GPC5: variants seen among roughly 807,000 people sequenced by gnomAD.
GPC5 encodes the protein glypican-5.
GPC5 carries 47 observed loss-of-function variants against 53.9 expected under a neutral mutation model. The observed-to-expected ratio is 0.87, with a 90% confidence interval of 0.69 to 1.11. The LOEUF (loss-of-function observed/expected upper bound fraction) is 1.11, where lower values mean the gene tolerates loss of function less well. Ranked by LOEUF, GPC5 falls within the 50% of genes most tolerant of loss-of-function variation. The pLI is 0.00. For synonymous variants in GPC5, 286 were observed against 263.3 expected (o/e 1.09, Z -0.84); for missense variants, 748 against 713.1 (o/e 1.05, Z -0.56).
rs549780678 is a variant in GPC5 at position 92,051,557 on chromosome 13, C to T, written c.1402-93273C>T. ...GCATAGGCTGCTGGTCCAGAACCCACACCTTGAGCTGACCAGCTCTGTTTC... is the reference window on the plus strand; with the variant it reads ...GCATAGGCTGCTGGTCCAGAACCCATACCTTGAGCTGACCAGCTCTGTTTC... On this transcript the variant is annotated intron_variant, in intron 6 of 7. Transcript: ENST00000377067. Among the ~76,000 whole-genome samples the T allele has an allele frequency of 5.9e-5, 9 of 152,304 alleles. No individual in the cohort carries two copies. The South Asian group carries it at 6.2e-4, about 11-fold the overall frequency.
intron 2 of GPC5, among the ~76,000 whole-genome samples, chr13:91,637,607 G>A (rs1385099403): frequency 6.6e-6 from 1 of 152,140 alleles, no homozygotes; most frequent in East Asian, 1.9e-4. Context: ...GGACGAACAG[G>A]AGAAACGGCT....
chr13:91,571,934 C>T, intron 2 of GPC5, among the ~76,000 whole-genome samples: 1 of 125,236 alleles, frequency 8.0e-6, no homozygotes, highest in Non-Finnish European at 1.7e-5. Flanking sequence ...TATATATACA[C>T]ACATGTATAT....
At chr13:92,234,259 G>A (rs975798033) in intron 7 of GPC5, among the ~76,000 whole-genome samples, 3 of 152,276 alleles carry the variant, frequency 2.0e-5, no homozygotes, top group East Asian at 1.9e-4. Context: ...GGTTGAACTA[G>A]TTTACAGTCC....
chr13:91,490,381 A>G (rs1450086810), intron 2 of GPC5, among the ~76,000 whole-genome samples: 1 of 152,146 alleles, frequency 6.6e-6, no homozygotes, highest in Non-Finnish European at 1.5e-5. Context: ...TTTTTAGAGG[A>G]AAGGTAATGA....
At chr13:92,770,577 C>T (rs1875576650) in intron 7 of GPC5, among the ~76,000 whole-genome samples, 1 of 152,100 alleles carries the variant, frequency 6.6e-6, no homozygotes. Context: ...CTATGTTTTA[C>T]ATTTGCCCCA....
intron 1 of GPC5, among the ~76,000 whole-genome samples, chr13:91,406,599 A>G (rs570347608): frequency 1.2e-4 from 19 of 152,216 alleles, no homozygotes; most frequent in Non-Finnish European, 2.2e-4. Context: ...CTGGGACACT[A>G]AAAGACCCCA....
chr13:92,805,543 CCT>C (rs1465810248), intron 7 of GPC5, among the ~76,000 whole-genome samples: 1 of 152,046 alleles, frequency 6.6e-6, no homozygotes, highest in Non-Finnish European at 1.5e-5. Context: ...CTCAAGCAAT[CCT>C]TCTACTTCAG....
intron 7 of GPC5, among the ~76,000 whole-genome samples, chr13:92,793,715 C>T (rs1362092145): frequency 1.3e-5 from 2 of 151,972 alleles, no homozygotes; most frequent in Non-Finnish European, 2.9e-5. Flanking sequence ...ACCACCGATC[C>T]CACAGAAATA....
intron 7 of GPC5, among the ~76,000 whole-genome samples, chr13:92,772,589 CCT>C (rs1875652364): frequency 6.6e-6 from 1 of 152,190 alleles, no homozygotes; most frequent in African/African-American, 2.4e-5. Flanking sequence ...TATCATTCAC[CCT>C]GTTTTACTTT....
intron 7 of GPC5, among the ~76,000 whole-genome samples, chr13:92,747,887 A>G (rs1239139193): frequency 1.3e-5 from 2 of 152,182 alleles, no homozygotes; most frequent in Non-Finnish European, 2.9e-5. Flanking sequence ...TAGCTCAACC[A>G]AAATATATGC....
chr13:91,965,687 G>A (rs1389360612), intron 6 of GPC5, among the ~76,000 whole-genome samples: 1 of 152,136 alleles, frequency 6.6e-6, no homozygotes, highest in Non-Finnish European at 1.5e-5. Context: ...CAACCAGAAA[G>A]GGGCAGTCAG....
intron 7 of GPC5, among the ~76,000 whole-genome samples, chr13:92,171,010 A>T (rs531725096): frequency 5.1e-4 from 77 of 152,292 alleles, no homozygotes; most frequent in African/African-American, 1.6e-3. Context: ...TGTACTGTGT[A>T]GAAGCTGCTA....
At chr13:91,702,197 C>T (rs538945963) in intron 3 of GPC5, among the ~76,000 whole-genome samples, 1 of 152,180 alleles carries the variant, frequency 6.6e-6, no homozygotes, top group East Asian at 1.9e-4. Context: ...CTATGAAGCC[C>T]TTATCAGATG....
chr13:92,777,459 C>G (rs531823428), intron 7 of GPC5, among the ~76,000 whole-genome samples: 1 of 151,932 alleles, frequency 6.6e-6, no homozygotes, highest in African/African-American at 2.4e-5. Flanking sequence ...ATGGTAAAAC[C>G]CTGTCTCTAC....
chr13:92,851,710 T>C (rs1356943916), intron 7 of GPC5, among the ~76,000 whole-genome samples: 1 of 145,468 alleles, frequency 6.9e-6, no homozygotes, highest in Non-Finnish European at 1.5e-5. Context: ...TGAAACTCCA[T>C]CTCTACTAAA....
At chr13:92,289,084 T>C (rs899560751) in intron 7 of GPC5, among the ~76,000 whole-genome samples, 6 of 120,870 alleles carry the variant, frequency 5.0e-5, no homozygotes, top group African/African-American at 2.3e-4. Context: ...GAATAATAAA[T>C]TACCAAAAAA....
intron 7 of GPC5, among the ~76,000 whole-genome samples, chr13:92,636,625 C>A (rs1203184433): frequency 4.9e-5 from 5 of 102,104 alleles, no homozygotes; most frequent in Non-Finnish European, 1.1e-4. Flanking sequence ...TTTATTTATT[C>A]CTAACTTTTA....
chr13:92,115,347 A>C (rs2041591985), intron 6 of GPC5, among the ~76,000 whole-genome samples: 1 of 152,178 alleles, frequency 6.6e-6, no homozygotes, highest in Admixed American at 6.6e-5. Context: ...TCTCTACTAA[A>C]AATACAAAAT....
At chr13:91,922,036 T>C (rs2039720573) in intron 6 of GPC5, among the ~76,000 whole-genome samples, 1 of 151,912 alleles carries the variant, frequency 6.6e-6, no homozygotes, top group South Asian at 2.1e-4. Flanking sequence ...AAAAGGAAAG[T>C]AGGGAGTTGG....
Sources: allele counts gnomAD v4.1 joint callset (sites outside exome capture counted in the v4.1 genomes callset), GRCh38; gene constraint gnomAD v4.1.1; transcripts MANE v1.5; gene names NCBI Gene and HGNC (gene_info 2026-07-23, HGNC 2026-07-21).